Variants in DAB1 observed in about 807,000 individuals in gnomAD.
DAB1 encodes the protein DAB adaptor protein 1.
A neutral mutation model predicts 64.6 loss-of-function variants in DAB1; 15 were observed. That is an observed-to-expected ratio of 0.23 (90% CI 0.16 to 0.36). The LOEUF (loss-of-function observed/expected upper bound fraction) is 0.36. Ranked by LOEUF, DAB1 falls within the 10% of genes least tolerant of loss-of-function variation. The pLI, the probability that DAB1 is intolerant of heterozygous loss-of-function variation, is 1.00. For missense variants in DAB1, 596 were observed against 706.7 expected, an observed-to-expected ratio of 0.84 and a Z score of 1.78; for synonymous variants, 235 against 251.9, an observed-to-expected ratio of 0.93 and a Z score of 0.64.
chr1:57,422,610 T>C (rs1473134044), intron 1 of DAB1, among the ~76,000 whole-genome samples: 1 of 149,708 alleles, frequency 6.7e-6, no homozygotes, highest in Non-Finnish European at 1.5e-5. Context: ...AGCGGAGCGG[T>C]AGCCAAGCGC....
chr1:57,129,421 G>A (rs1048437205), intron 4 of DAB1, among the ~76,000 whole-genome samples: 1 of 151,976 alleles, frequency 6.6e-6, no homozygotes, highest in Non-Finnish European at 1.5e-5. Context: ...CTATCTATTT[G>A]ACATTAAAAT....
intron 4 of DAB1, among the ~76,000 whole-genome samples, chr1:58,194,742 T>C (rs1272052312): frequency 3.3e-5 from 5 of 152,226 alleles, no homozygotes; most frequent in South Asian, 2.1e-4. Flanking sequence ...TCCAACTCCA[T>C]TCATCTTTCT....
At chr1:57,222,073 A>C (rs958607931) in intron 2 of DAB1, among the ~76,000 whole-genome samples, 1 of 152,136 alleles carries the variant, frequency 6.6e-6, no homozygotes, top group Non-Finnish European at 1.5e-5. Context: ...TCTTTGCAAA[A>C]ATTCAGTGAG....
intron 3 of DAB1, among the ~76,000 whole-genome samples, chr1:58,478,661 T>C (rs980715111): frequency 1.3e-5 from 2 of 152,226 alleles, no homozygotes; most frequent in South Asian, 2.1e-4. Context: ...TCAATGTTAA[T>C]TGAATGCCTA....
At chr1:58,250,453 G>A (rs1376752333) in intron 4 of DAB1, among the ~76,000 whole-genome samples, 1 of 152,230 alleles carries the variant, frequency 6.6e-6, no homozygotes, top group Non-Finnish European at 1.5e-5. Context: ...TGGCAGCAGA[G>A]GCAGCGGTAG....
chr1:57,727,760 T>TTC (rs1647246742), intron 6 of DAB1, among the ~76,000 whole-genome samples: 10 of 48,448 alleles, frequency 2.1e-4, no homozygotes, highest in African/African-American at 5.3e-4. Flanking sequence ...TTCCTTCCTC[T>TTC]CTTCCTCTCT....
intron 5 of DAB1, among the ~76,000 whole-genome samples, chr1:57,962,117 G>A (rs1320895545): frequency 6.6e-6 from 1 of 152,112 alleles, no homozygotes; most frequent in East Asian, 1.9e-4. Context: ...TCAAATCCTG[G>A]CTATGCCTCT....
chr1:58,150,540 C>G (rs1654861916), exon 5 of DAB1: 1 of 151,140 alleles, frequency 6.6e-6, no homozygotes, highest in African/African-American at 2.4e-5. Context: ...GACTCACACT[C>G]TCCAAGGCAG....
chr1:58,440,649 A>G (rs1253497571), intron 3 of DAB1, among the ~76,000 whole-genome samples: 2 of 152,236 alleles, frequency 1.3e-5, no homozygotes, highest in Admixed American at 6.5e-5. Context: ...ATAAGTGTTT[A>G]TCAGACACAT....
chr1:58,454,221 GCAATA>G (rs1247180554), intron 3 of DAB1, among the ~76,000 whole-genome samples: 2 of 152,130 alleles, frequency 1.3e-5, no homozygotes, highest in African/African-American at 4.8e-5. Context: ...GCAAGAGCAG[GCAATA>G]CAATAATTGC....
rs74809956 is a variant in DAB1, at chr1:58,500,191, T to A, written n.257+5869A>T. On this transcript the variant is annotated intron_variant and non_coding_transcript_variant, in intron 3 of 20. Transcript: ENST00000485760. ...ATACACATCACATGCACCATAATATTTTTTTTAAGGGTTTAGACAATGTTA... is the reference window on the plus strand; with the variant it reads ...ATACACATCACATGCACCATAATATATTTTTTAAGGGTTTAGACAATGTTA... Among the ~76,000 whole-genome samples, 360 of 152,196 alleles carry A rather than the reference T, an allele frequency of 2.4e-3. 1 individual carries two copies. The highest frequency in any genetic ancestry group is 4.4e-3 in the Non-Finnish European group (300 of 67,990).
At chr1:58,047,798 T>C (rs1647338262) in intron 5 of DAB1, 1 of 238,242 alleles carries the variant, frequency 4.2e-6, no homozygotes, top group Non-Finnish European at 8.2e-6. Context: ...AACAACTGTT[T>C]ATCCGGCATC....
rs150403157 is a variant in DAB1 at position 57,680,882 on chromosome 1, A to T, written n.552-31217T>A. On this transcript the variant is annotated intron_variant and non_coding_transcript_variant, in intron 6 of 20. Coordinates refer to the DAB1 transcript ENST00000485760. Reference sequence around the variant, plus strand: ...CCAATCTAATTTTCAGAAGTAAGTAATTTTAACCTATTGTTGTGGTTTCAA... The same window carrying T: ...CCAATCTAATTTTCAGAAGTAAGTATTTTTAACCTATTGTTGTGGTTTCAA... 1.6e-3 allele frequency among the ~76,000 whole-genome samples: 246 copies of T among 152,298 alleles called. 4 individuals are homozygous for T. In the East Asian group the frequency reaches 0.032, roughly 20 times the overall value.
At chr1:58,044,045 C>T (rs946232590) in intron 5 of DAB1, among the ~76,000 whole-genome samples, 2 of 152,182 alleles carry the variant, frequency 1.3e-5, no homozygotes, top group African/African-American at 4.8e-5. Context: ...TACTTTATAG[C>T]ATTGTAGATG....
chr1:58,140,421 T>C lies in DAB1; in HGVS notation n.387+10090A>G, dbSNP rs1489192601. Among the ~76,000 whole-genome samples, 2 of 152,174 alleles carry C rather than the reference T, an allele frequency of 1.3e-5. 1 individual carries two copies. Among genetic ancestry groups the C allele is most frequent in the South Asian group, 4.1e-4 (2 of 4,828 alleles). The stretch of plus-strand genomic sequence containing the variant: ...CCCTCCATCATGTTGAACAACATTA[T>C]GATACTGAAAAGGATAAAAAATCCT... On this transcript the variant is annotated intron_variant and non_coding_transcript_variant, in intron 5 of 20. Transcript: ENST00000485760.
At chr1:58,389,613 A>C (rs2100553954) in intron 3 of DAB1, among the ~76,000 whole-genome samples, 1 of 152,308 alleles carries the variant, frequency 6.6e-6, no homozygotes, top group East Asian at 1.9e-4. Flanking sequence ...TCTGAGGCTT[A>C]ATTTTCTCCT....
At chr1:57,353,460 C>A (rs1316588668) in intron 1 of DAB1, among the ~76,000 whole-genome samples, 2 of 152,124 alleles carry the variant, frequency 1.3e-5, no homozygotes, top group Non-Finnish European at 2.9e-5. Flanking sequence ...ACATCAAGTA[C>A]AGAGCTTCCA....
At chr1:58,056,020 G>A in intron 5 of DAB1, 1 of 754,274 alleles carries the variant, frequency 1.3e-6, no homozygotes. Context: ...TTCCAGGTGT[G>A]AGCCACCGTG....
chr1:58,401,308 T>A (rs767370379), intron 3 of DAB1, among the ~76,000 whole-genome samples: 2 of 152,206 alleles, frequency 1.3e-5, no homozygotes, highest in Non-Finnish European at 2.9e-5. Context: ...TCCCTTCCAG[T>A]CATACTGGCT....
Sources: gnomAD v4.1 joint callset for allele counts (sites outside exome capture counted in the v4.1 genomes callset) on GRCh38, gnomAD v4.1.1 for gene constraint, MANE v1.5 for transcripts, NCBI Gene and HGNC (gene_info 2026-07-23, HGNC 2026-07-21) for gene names.